The following CHN1 variants were observed in gnomAD, a reference collection of about 807,000 sequenced individuals.
CHN1 encodes N-chimaerin.
CHN1 carries 37 observed loss-of-function variants against 59.5 expected under a neutral mutation model. That is an observed-to-expected ratio of 0.62 (90% CI 0.48 to 0.82). The LOEUF (loss-of-function observed/expected upper bound fraction) is 0.82. CHN1 is among the 40% of genes least tolerant of loss of function. CHN1 has a pLI of 0.00. For synonymous variants in CHN1, 206 were observed against 200.4 expected, an observed-to-expected ratio of 1.03 and a Z score of -0.24; for missense variants, 469 against 571.0, an observed-to-expected ratio of 0.82 and a Z score of 1.82.
chr2:175,005,003 G>T lies in CHN1; in HGVS notation c.-91C>A. On this transcript the variant is annotated 5_prime_UTR_variant, in exon 1 of 13. Transcript: ENST00000409900. ...ATCAGCCCGCCGCACCCACACCTCGGAGAGAGTGGGGTGCCCGATGGGGCG... is the reference window on the plus strand; with the variant it reads ...ATCAGCCCGCCGCACCCACACCTCGTAGAGAGTGGGGTGCCCGATGGGGCG... The T allele has an allele frequency of 6.7e-7, 1 of 1,496,530 alleles. No individual in the cohort carries two copies. Among genetic ancestry groups the T allele is most frequent in the Non-Finnish European group, 8.9e-7 (1 of 1,125,100 alleles). 92.7% of individuals were successfully genotyped at this position (1,496,530 alleles called of 1,614,324 possible). A position where few individuals can be genotyped will look rare whatever the true frequency, so the allele number is the denominator to read the frequency against.
At chr2:174,831,950 T>C (rs1002816760) in intron 7 of CHN1, among the ~76,000 whole-genome samples, 3 of 152,280 alleles carry the variant, frequency 2.0e-5, no homozygotes, top group South Asian at 2.1e-4. Flanking sequence ...ATTCCATAGC[T>C]GAGTGACAGA....
At chr2:174,938,044 T>C (rs925395551) in intron 3 of CHN1, among the ~76,000 whole-genome samples, 2 of 152,130 alleles carry the variant, frequency 1.3e-5, no homozygotes, top group East Asian at 3.8e-4. Flanking sequence ...AAAAAAAATT[T>C]TTTTAAGAGA....
At chr2:174,921,321 G>A (rs985690640) in intron 3 of CHN1, among the ~76,000 whole-genome samples, 10 of 152,056 alleles carry the variant, frequency 6.6e-5, no homozygotes, top group Admixed American at 1.3e-4. Flanking sequence ...GCATATTGGC[G>A]GTTGAACTGA....
At chr2:174,934,582 C>T (rs1330822333) in intron 3 of CHN1, among the ~76,000 whole-genome samples, 1 of 152,168 alleles carries the variant, frequency 6.6e-6, no homozygotes, top group East Asian at 1.9e-4. Flanking sequence ...AGAGAAAGGG[C>T]ATGACATGAA....
At chr2:174,843,340 A>T (rs1429766847) in intron 7 of CHN1, among the ~76,000 whole-genome samples, 1 of 152,050 alleles carries the variant, frequency 6.6e-6, no homozygotes, top group East Asian at 1.9e-4. Context: ...CCTGGGTTCA[A>T]GCGATTGTCC....
intron 6 of CHN1, among the ~76,000 whole-genome samples, chr2:174,869,304 G>C (rs1426886859): frequency 6.6e-6 from 1 of 152,014 alleles, no homozygotes; most frequent in East Asian, 1.9e-4. Context: ...ATTTCCCTAA[G>C]AAAAATGACC....
intron 7 of CHN1, chr2:174,846,383 T>TA (rs1686515967): frequency 6.5e-7 from 1 of 1,547,172 alleles, no homozygotes. Flanking sequence ...AGTCCCATGG[T>TA]AGCCATCCTC....
At chr2:174,937,301 G>A (rs937853634) in intron 3 of CHN1, among the ~76,000 whole-genome samples, 3 of 152,094 alleles carry the variant, frequency 2.0e-5, no homozygotes, top group African/African-American at 7.2e-5. Context: ...TTCCCTTTGA[G>A]CCTGGCATAG....
chr2:174,892,972 A>G (rs1688099892), intron 5 of CHN1, among the ~76,000 whole-genome samples: 1 of 152,220 alleles, frequency 6.6e-6, no homozygotes, highest in Non-Finnish European at 1.5e-5. Flanking sequence ...AAATTACCTC[A>G]GTATAAAAGG....
chr2:174,958,305 T>C (rs563849407), intron 1 of CHN1, among the ~76,000 whole-genome samples: 1 of 152,332 alleles, frequency 6.6e-6, no homozygotes, highest in South Asian at 2.1e-4. Flanking sequence ...ATATGTATCC[T>C]TTCCCGGCAA....
At chr2:174,874,827 A>G (rs1687513706) in intron 6 of CHN1, among the ~76,000 whole-genome samples, 1 of 151,928 alleles carries the variant, frequency 6.6e-6, no homozygotes, top group Non-Finnish European at 1.5e-5. Context: ...TAACGCAGAG[A>G]AGGCCTATAG....
At chr2:174,918,737 A>G (rs2105373968) in intron 3 of CHN1, among the ~76,000 whole-genome samples, 172 bp from the exon 4 acceptor site, 1 of 152,318 alleles carries the variant, frequency 6.6e-6, no homozygotes, top group South Asian at 2.1e-4. Flanking sequence ...TGGACTGGTC[A>G]CTTCATCTCT....
At chr2:174,912,275 A>G (rs1688726726) in intron 5 of CHN1, among the ~76,000 whole-genome samples, 1 of 152,256 alleles carries the variant, frequency 6.6e-6, no homozygotes, top group Non-Finnish European at 1.5e-5. Context: ...TATAGTGTGT[A>G]GTATAATGTA....
intron 6 of CHN1, 150 bp from the exon 7 acceptor site, chr2:174,847,107 C>T: frequency 6.4e-7 from 1 of 1,550,836 alleles, no homozygotes; most frequent in Non-Finnish European, 8.7e-7. Context: ...GTTTTCCTCC[C>T]TGACCAAGAC....
intron 6 of CHN1, among the ~76,000 whole-genome samples, chr2:174,860,714 T>C (rs1228556607): frequency 6.6e-6 from 1 of 152,216 alleles, no homozygotes; most frequent in Non-Finnish European, 1.5e-5. Flanking sequence ...TTGCACCGTA[T>C]TTTTGTCCCA....
At chr2:174,891,663 C>A (rs1342698768) in intron 5 of CHN1, among the ~76,000 whole-genome samples, 1 of 151,006 alleles carries the variant, frequency 6.6e-6, no homozygotes, top group Non-Finnish European at 1.5e-5. Context: ...GTGGTAAATA[C>A]CTACATGAAA....
At chr2:174,845,188 T>G (rs891453336) in intron 7 of CHN1, among the ~76,000 whole-genome samples, 15 of 152,320 alleles carry the variant, frequency 9.8e-5, no homozygotes, top group African/African-American at 3.6e-4. Context: ...AAAGCATGTA[T>G]AATGAACTTG....
intron 7 of CHN1, among the ~76,000 whole-genome samples, chr2:174,835,300 G>T (rs1686036385): frequency 4.6e-5 from 7 of 151,948 alleles, no homozygotes; most frequent in Admixed American, 4.6e-4. Context: ...CACTCTCTCT[G>T]GCTGCTTTTA....
intron 1 of CHN1, among the ~76,000 whole-genome samples, chr2:174,957,723 T>C (rs1690259074): frequency 6.6e-6 from 1 of 152,160 alleles, no homozygotes; most frequent in East Asian, 1.9e-4. Flanking sequence ...CCTGATCCAC[T>C]GTGAGGGGCT....
Sources: gnomAD v4.1 joint callset for allele counts (sites outside exome capture counted in the v4.1 genomes callset) on GRCh38, gnomAD v4.1.1 for gene constraint, MANE v1.5 for transcripts, NCBI Gene and HGNC (gene_info 2026-07-23, HGNC 2026-07-21) for gene names.